Variants in TP63 observed in about 807,000 individuals in gnomAD.
TP63 encodes the protein tumor protein 63.
TP63 carries 17 observed loss-of-function variants against 82.8 expected under a neutral mutation model. That is an observed-to-expected ratio of 0.21 (90% confidence interval 0.14 to 0.31). The LOEUF (loss-of-function observed/expected upper bound fraction) is 0.31. Ranked by LOEUF, TP63 falls within the 10% of genes least tolerant of loss-of-function variation. The probability of loss-of-function intolerance (pLI) is 1.00; values close to 1 mark genes in which losing one functional copy is unlikely to be tolerated. For synonymous variants in TP63, 330 were observed against 321.7 expected, an observed-to-expected ratio of 1.03 and a Z score of -0.28; for missense variants, 648 against 895.3, an observed-to-expected ratio of 0.72 and a Z score of 3.52.
chr3:189,599,976 G>T, the TP63 span, among the ~76,000 whole-genome samples: 1 of 152,008 alleles, frequency 6.6e-6, no homozygotes, highest in Admixed American at 6.5e-5. Context: ...GCTGTTACAA[G>T]AATAAATTTT....
the TP63 span, among the ~76,000 whole-genome samples, chr3:189,601,421 G>T: frequency 6.6e-6 from 1 of 152,052 alleles, no homozygotes; most frequent in Non-Finnish European, 1.5e-5. Context: ...GGAGCCTCCT[G>T]CTTTGGGACT....
intron 3 of TP63, among the ~76,000 whole-genome samples, chr3:189,739,506 T>C (rs528661094): frequency 3.5e-4 from 53 of 152,354 alleles, no homozygotes; most frequent in Admixed American, 1.8e-3. Context: ...AGGAGGAATT[T>C]ATGCACATGA....
At chr3:189,631,248 GAAC>G (rs1318060461), upstream of TP63, 2 of 985,240 alleles carry the variant, frequency 2.0e-6, no homozygotes, top group Non-Finnish European at 2.4e-6. Context: ...AGAGGGGGAA[GAAC>G]AACAGTAGAG....
intron 1 of TP63, among the ~76,000 whole-genome samples, chr3:189,713,190 T>C (rs1408300424): frequency 1.3e-5 from 2 of 152,218 alleles, no homozygotes; most frequent in African/African-American, 4.8e-5. Context: ...TTGGGCTTTA[T>C]AGCATTCTGT....
the TP63 span, among the ~76,000 whole-genome samples, chr3:189,615,384 C>T: frequency 2.6e-5 from 4 of 152,270 alleles, no homozygotes; most frequent in Non-Finnish European, 4.4e-5. Context: ...TTTAATGTCA[C>T]GTAGGCTTAC....
chr3:189,800,894 A>G (rs1726232005), intron 3 of TP63, among the ~76,000 whole-genome samples: 1 of 152,150 alleles, frequency 6.6e-6, no homozygotes, highest in Admixed American at 6.6e-5. Context: ...TAGATTTCAG[A>G]GTTTTAAAAT....
At chr3:189,631,757 G>C (rs567300558) in intron 1 of TP63, among the ~76,000 whole-genome samples, 180 bp downstream of exon 1, 1 of 152,032 alleles carries the variant, frequency 6.6e-6, no homozygotes, top group East Asian at 1.9e-4. Flanking sequence ...GTCTTTTTTG[G>C]TTGATATTTG....
At chr3:189,818,474 A>G (rs1728435081) in intron 4 of TP63, among the ~76,000 whole-genome samples, 1 of 152,126 alleles carries the variant, frequency 6.6e-6, no homozygotes, top group Non-Finnish European at 1.5e-5. Context: ...CTTATCTAGA[A>G]CTGACTGCTA....
intron 1 of TP63, among the ~76,000 whole-genome samples, chr3:189,632,602 A>G (rs1307082988): frequency 6.6e-6 from 1 of 152,120 alleles, no homozygotes; most frequent in Non-Finnish European, 1.5e-5. Flanking sequence ...AGCAAGGCAG[A>G]AAGATAAATA....
chr3:189,656,259 A>T (rs1250519680), intron 1 of TP63, among the ~76,000 whole-genome samples: 1 of 152,190 alleles, frequency 6.6e-6, no homozygotes, highest in Non-Finnish European at 1.5e-5. Context: ...GAGAACATGT[A>T]CTACCCATAA....
intron 1 of TP63, among the ~76,000 whole-genome samples, chr3:189,675,298 T>C (rs1715291089): frequency 6.6e-6 from 1 of 152,058 alleles, no homozygotes; most frequent in Non-Finnish European, 1.5e-5. Flanking sequence ...TTTGAGGAGA[T>C]ACAAACATTA....
At chr3:189,760,005 GACCCATTCA>G (rs1343181317) in intron 3 of TP63, among the ~76,000 whole-genome samples, 1 of 152,132 alleles carries the variant, frequency 6.6e-6, no homozygotes, top group African/African-American at 2.4e-5. Context: ...GATCTTATGA[GACCCATTCA>G]CTATCACAAA....
chr3:189,832,933 G>A (rs1422394312), intron 4 of TP63, among the ~76,000 whole-genome samples: 1 of 152,128 alleles, frequency 6.6e-6, no homozygotes, highest in Non-Finnish European at 1.5e-5. Flanking sequence ...ACTATTATGC[G>A]TCTGTTACTA....
At chr3:189,864,004 T>C (rs1717376766) in intron 4 of TP63, among the ~76,000 whole-genome samples, 1 of 152,238 alleles carries the variant, frequency 6.6e-6, no homozygotes, top group African/African-American at 2.4e-5. Context: ...TGTGTTTTGA[T>C]AAACATAAAA....
chr3:189,788,937 T>TA (rs34829028), intron 3 of TP63, among the ~76,000 whole-genome samples: 14,811 of 143,030 alleles, frequency 0.1, 944 homozygotes, highest in African/African-American at 0.19. Context: ...AGCGTTTTGT[T>TA]AAAAAAAAAA....
chr3:189,882,439 C>A (rs1286289399), intron 10 of TP63, among the ~76,000 whole-genome samples: 4 of 148,434 alleles, frequency 2.7e-5, no homozygotes, highest in Admixed American at 1.3e-4. Flanking sequence ...AGATATGATT[C>A]TTTTTCTGAT....
intron 10 of TP63, among the ~76,000 whole-genome samples, chr3:189,882,866 G>T (rs1249682540): frequency 1.3e-5 from 2 of 152,124 alleles, no homozygotes; most frequent in Non-Finnish European, 2.9e-5. Context: ...GTTAAGAACT[G>T]GGACTTGGCT....
chr3:189,677,060 T>C (rs1715466945), intron 1 of TP63, among the ~76,000 whole-genome samples: 1 of 151,092 alleles, frequency 6.6e-6, no homozygotes, highest in Non-Finnish European at 1.5e-5. Context: ...CTCCCATTTA[T>C]AAGTGAGAAC....
intron 3 of TP63, among the ~76,000 whole-genome samples, chr3:189,793,421 C>A (rs1415957190): frequency 6.6e-6 from 1 of 152,042 alleles, no homozygotes; most frequent in Non-Finnish European, 1.5e-5. Context: ...CGTACATTTT[C>A]TGAATGCAAA....
Sources: gnomAD v4.1 joint callset for allele counts (sites outside exome capture counted in the v4.1 genomes callset) on GRCh38, gnomAD v4.1.1 for gene constraint, MANE v1.5 for transcripts, NCBI Gene and HGNC (gene_info 2026-07-23, HGNC 2026-07-21) for gene names.